The following CARMIL1 variants were observed in gnomAD, a reference collection of about 807,000 sequenced individuals.
The protein encoded by CARMIL1 is F-actin-uncapping protein LRRC16A.
In CARMIL1, 90 loss-of-function variants were observed where a neutral mutation model predicts 177.1. That is an observed-to-expected ratio of 0.51 (90% CI 0.43 to 0.61). The LOEUF is 0.61. Ranked by LOEUF, CARMIL1 falls within the 20% of genes least tolerant of loss-of-function variation. The pLI, the probability that CARMIL1 is intolerant of heterozygous loss-of-function variation, is 0.00. For missense variants in CARMIL1, 1,380 were observed against 1,667.0 expected, an observed-to-expected ratio of 0.83 and a Z score of 3.00; for synonymous variants, 577 against 606.2, an observed-to-expected ratio of 0.95 and a Z score of 0.71.
intron 17 of CARMIL1, among the ~76,000 whole-genome samples, chr6:25,506,279 G>A (rs1804902058): frequency 6.6e-6 from 1 of 152,220 alleles, no homozygotes; most frequent in African/African-American, 2.4e-5. Context: ...GGGCATGATG[G>A]CTCACGCCTG....
At chr6:25,525,915 C>A (rs544286509) in intron 23 of CARMIL1, among the ~76,000 whole-genome samples, 1 of 151,944 alleles carries the variant, frequency 6.6e-6, no homozygotes, top group East Asian at 1.9e-4. Flanking sequence ...AAACAAAGGA[C>A]AAATGTAATA....
chr6:25,500,155 C>T lies in CARMIL1; in HGVS notation c.1326-11C>T. On this transcript the variant is annotated splice_polypyrimidine_tract_variant and intron_variant, in intron 16 of 36. Coordinates refer to ENST00000329474, the MANE Select transcript of CARMIL1 (RefSeq NM_017640.6). The stretch of plus-strand genomic sequence containing the variant: ...GAATGTGTATCTAATATGTGTGTTT[C>T]CTCCCCTCAGAGCACTGTTATTGGG... 5 of 1,613,082 alleles carry T rather than the reference C, an allele frequency of 3.1e-6. No homozygotes were observed. The highest frequency in any genetic ancestry group is 4.2e-6 in the Non-Finnish European group (5 of 1,179,154).
At chr6:25,543,346 C>G (rs1276911659) in intron 26 of CARMIL1, among the ~76,000 whole-genome samples, 1 of 152,136 alleles carries the variant, frequency 6.6e-6, no homozygotes, top group African/African-American at 2.4e-5. Context: ...GATAAGCCAG[C>G]CTTCTTAGTA....
intron 4 of CARMIL1, among the ~76,000 whole-genome samples, chr6:25,430,611 C>A (rs1244592788): frequency 6.6e-6 from 1 of 151,708 alleles, no homozygotes; most frequent in Non-Finnish European, 1.5e-5. Context: ...TGTATTTTTT[C>A]CTAGAGACAG....
chr6:25,519,228 G>A (rs755155538), intron 22 of CARMIL1, among the ~76,000 whole-genome samples: 3 of 152,188 alleles, frequency 2.0e-5, no homozygotes, highest in Non-Finnish European at 2.9e-5. Context: ...ATAGTTTAGA[G>A]TCCTAAAACA....
At position 25,282,040 on chromosome 6, in the gene CARMIL1, G is replaced by A. The variant is rs543135689; in HGVS notation, c.40+2205G>A. On this transcript the variant is annotated intron_variant, in intron 1 of 36. Transcript: ENST00000329474. ...TGAGGCAGGAGAATCACTTGAACCC[G>A]GGAGGCGGAGGTTGCCGTAAGCCGA... 1.9e-4 allele frequency among the ~76,000 whole-genome samples: 28 copies of A among 148,166 alleles called. No individual in the cohort carries two copies. In the East Asian group the frequency reaches 2.0e-3, roughly 11 times the overall value.
chr6:25,353,391 A>G (rs528698241), intron 2 of CARMIL1, among the ~76,000 whole-genome samples: 1 of 152,320 alleles, frequency 6.6e-6, no homozygotes, highest in Admixed American at 6.5e-5. Context: ...CTATCAGAGT[A>G]GGTCTTGAGG....
chr6:25,469,487 A>C (rs1438264755), intron 9 of CARMIL1, among the ~76,000 whole-genome samples: 3 of 152,170 alleles, frequency 2.0e-5, no homozygotes, highest in Non-Finnish European at 4.4e-5. Flanking sequence ...AATATCATGA[A>C]GTATTTAATA....
At chr6:25,361,001 T>C (rs1007435262) in intron 2 of CARMIL1, among the ~76,000 whole-genome samples, 5 of 152,186 alleles carry the variant, frequency 3.3e-5, no homozygotes, top group Admixed American at 6.5e-5. Flanking sequence ...TAAAAATGCC[T>C]GAGTGTGCTT....
At chr6:25,282,414 T>G (rs1262269533) in intron 1 of CARMIL1, among the ~76,000 whole-genome samples, 1 of 152,178 alleles carries the variant, frequency 6.6e-6, no homozygotes, top group Non-Finnish European at 1.5e-5. Flanking sequence ...ACATGTTCCC[T>G]TGCCCCAAAC....
At chr6:25,570,501 A>G (rs1811981267) in intron 29 of CARMIL1, among the ~76,000 whole-genome samples, 1 of 152,246 alleles carries the variant, frequency 6.6e-6, no homozygotes, top group African/African-American at 2.4e-5. Flanking sequence ...AGCAGTTGCA[A>G]GATGAGTTAT....
At chr6:25,327,249 G>A (rs552252739) in intron 2 of CARMIL1, among the ~76,000 whole-genome samples, 42 of 152,260 alleles carry the variant, frequency 2.8e-4, no homozygotes, top group African/African-American at 1.0e-3. Context: ...AGGAGCAAGA[G>A]CCAGCAAAAG....
intron 2 of CARMIL1, among the ~76,000 whole-genome samples, chr6:25,401,252 TC>T (rs1463156954): frequency 6.6e-6 from 1 of 150,484 alleles, no homozygotes; most frequent in African/African-American, 2.5e-5. Flanking sequence ...ATTTTAATAT[TC>T]CCCCCCAGAA....
intron 31 of CARMIL1, among the ~76,000 whole-genome samples, chr6:25,587,330 T>C (rs59062464): frequency 0.019 from 2,950 of 152,272 alleles, 79 homozygotes; most frequent in African/African-American, 0.061. Context: ...TTTAACCTTC[T>C]ACTGTAGTAG....
At chr6:25,481,610 A>G (rs757592361) in intron 11 of CARMIL1, among the ~76,000 whole-genome samples, 9 of 152,212 alleles carry the variant, frequency 5.9e-5, no homozygotes, top group Non-Finnish European at 8.8e-5. Flanking sequence ...AAAACAGTCT[A>G]TGCTCATTGC....
At chr6:25,471,669 A>G (rs558366391) in intron 10 of CARMIL1, among the ~76,000 whole-genome samples, 65 of 152,302 alleles carry the variant, frequency 4.3e-4, no homozygotes, top group Middle Eastern at 3.4e-3. Flanking sequence ...AGTGCCTTTT[A>G]CTCTGTAGAT....
At chr6:25,404,934 C>A (rs1794233997) in intron 2 of CARMIL1, among the ~76,000 whole-genome samples, 3 of 152,098 alleles carry the variant, frequency 2.0e-5, no homozygotes, top group Non-Finnish European at 2.9e-5. Context: ...CCCACTGAGG[C>A]ACGGCGGAGG....
In CARMIL1 at chr6:25,511,292, G is replaced by A. The variant is rs1805426937; in HGVS notation, c.1632+530G>A. Among the ~76,000 whole-genome samples, 3 of 152,272 alleles carry A rather than the reference G, an allele frequency of 2.0e-5. No individual in the cohort carries two copies. The South Asian group carries it at 6.2e-4, about 32-fold the overall frequency. On this transcript the variant is annotated intron_variant, in intron 20 of 36. Transcript: ENST00000329474. ...TGACCAAAATTTAGTTCAGGGTAAA[G>A]AAGTTTAATTTCAAATAGTATCTTA...
At chr6:25,559,276 T>C (rs919036542) in intron 29 of CARMIL1, among the ~76,000 whole-genome samples, 17 of 152,222 alleles carry the variant, frequency 1.1e-4, no homozygotes, top group Non-Finnish European at 2.5e-4. Context: ...TTGTTTGTTA[T>C]TGACATCTAT....
Sources: allele counts gnomAD v4.1 joint callset (sites outside exome capture counted in the v4.1 genomes callset), GRCh38; gene constraint gnomAD v4.1.1; transcripts MANE v1.5; gene names NCBI Gene and HGNC (gene_info 2026-07-23, HGNC 2026-07-21).